PCGF6: variants seen among roughly 807,000 people sequenced by gnomAD.
The protein encoded by PCGF6 is polycomb group ring finger 6.
A neutral mutation model predicts 45.5 loss-of-function variants in PCGF6; 24 were observed. The observed-to-expected ratio is 0.53, with a 90% confidence interval of 0.38 to 0.74. PCGF6 has a LOEUF of 0.74. Among genes scored for constraint, PCGF6 ranks in the 30% least tolerant of loss-of-function variants. PCGF6 has a pLI of 0.00. For missense variants in PCGF6, 356 were observed against 443.2 expected, an observed-to-expected ratio of 0.80 and a Z score of 1.77; for synonymous variants, 152 against 162.1, an observed-to-expected ratio of 0.94 and a Z score of 0.47.
intron 7 of PCGF6, among the ~76,000 whole-genome samples, chr10:103,329,818 G>C (rs931519794): frequency 6.7e-6 from 1 of 148,678 alleles, no homozygotes; most frequent in South Asian, 2.1e-4. Flanking sequence ...TCGCTCTGTC[G>C]CCTGGGCTGC....
intron 7 of PCGF6, among the ~76,000 whole-genome samples, chr10:103,333,052 G>A (rs762370984): frequency 3.4e-4 from 52 of 151,346 alleles, no homozygotes; most frequent in Non-Finnish European, 7.1e-4. Context: ...CCAGACGGCG[G>A]AAGTTGCAGT....
At chr10:103,350,129 G>A (rs2093315785) in intron 1 of PCGF6, among the ~76,000 whole-genome samples, 1 of 151,494 alleles carries the variant, frequency 6.6e-6, no homozygotes, top group Non-Finnish European at 1.5e-5. Flanking sequence ...TTACTGCCTA[G>A]TAAGCAGTAG....
At chr10:103,326,404 AAAC>A in intron 8 of PCGF6, 127 bp downstream of exon 8, 1 of 553,838 alleles carries the variant, frequency 1.8e-6, no homozygotes, top group South Asian at 3.5e-5. Flanking sequence ...AAAAAAAAAA[AAAC>A]AATGTCTACA....
rs186696079 is a variant in PCGF6, at chr10:103,335,488, G to A, written c.783-1536C>T. On this transcript the variant is annotated intron_variant, in intron 6 of 9. Coordinates refer to ENST00000369847, the MANE Select transcript of PCGF6 (RefSeq NM_001011663.2). The stretch of plus-strand genomic sequence containing the variant: ...GCGATTCTCTTTGCCTCAGCCTCCC[G>A]AATAGGTGGGACTACAGGCACCCAC... Among the ~76,000 whole-genome samples the A allele has an allele frequency of 5.5e-3, 828 of 151,738 alleles. 11 individuals are homozygous for A. The highest frequency in any genetic ancestry group is 0.019 in the African/African-American group (798 of 41,386).
At chr10:103,314,325 G>T in intron 8 of PCGF6, 53 bp from the exon 9 acceptor site, 2 of 1,036,708 alleles carry the variant, frequency 1.9e-6, no homozygotes, top group Non-Finnish European at 2.9e-6. Context: ...AATACCATCT[G>T]AAGAAATGAG....
Position 103,339,811 on chromosome 10 carries a change from ACACACACACAC to A in PCGF6, c.782+5202_782+5212del, listed in dbSNP as rs1468209161. Among the ~76,000 whole-genome samples the A allele has an allele frequency of 1.5e-3, 66 of 45,020 alleles. 2 individuals carry two copies. Among genetic ancestry groups the A allele is most frequent in the South Asian group, 3.3e-3 (3 of 908 alleles). 29.5% of individuals were successfully genotyped at this position (45,020 alleles called of 152,430 possible). ...AAATTCTGTCTGTCTCAAAAAAAAA[ACACACACACAC>A]ACACACACACACACACACACACACA... On this transcript the variant is annotated intron_variant, in intron 6 of 9. Transcript: ENST00000369847.
rs770365835 is a variant in PCGF6, at chr10:103,350,953, G to C, written c.114C>G (p.Pro38=). Reference sequence around the variant, plus strand: ...GCGCCGGTCCCTCCTCACCCGCTGCGGGTGCAGGGGTGAGGGCGGGCGGGG... The same window carrying C: ...GCGCCGGTCCCTCCTCACCCGCTGCCGGTGCAGGGGTGAGGGCGGGCGGGG... ...PVSPPALTPA[P]AAGEEGPAPL... Residue 38 remains proline, a synonymous_variant, in exon 1 of 10, where the codon CCC becomes CCG. Transcript: ENST00000369847. The C allele has an allele frequency of 2.0e-6, 3 of 1,467,134 alleles. No individual in the cohort carries two copies. The highest frequency in any genetic ancestry group is 2.7e-6 in the Non-Finnish European group (3 of 1,114,706). 90.9% of individuals were successfully genotyped at this position (1,467,134 alleles called of 1,614,324 possible). A position where few individuals can be genotyped will look rare whatever the true frequency, so the allele number is the denominator to read the frequency against.
At position 103,310,229 on chromosome 10, in the gene PCGF6, G is replaced by A. The variant is rs190076923; in HGVS notation, c.996+3957C>T. On this transcript the variant is annotated intron_variant, in intron 9 of 9. Transcript: ENST00000369847. ...GGCCTCTCAAAGTGCTGGGATTACA[G>A]GCATGAGCCACCACACCTGGCCCAA... Among the ~76,000 whole-genome samples, 648 of 150,912 alleles carry A rather than the reference G, an allele frequency of 4.3e-3. 26 individuals are homozygous for A. The highest frequency in any genetic ancestry group is 0.041 in the Admixed American group (614 of 15,086).
intron 8 of PCGF6, among the ~76,000 whole-genome samples, chr10:103,318,832 C>G (rs1021149001): frequency 2.0e-5 from 3 of 152,158 alleles, no homozygotes; most frequent in Non-Finnish European, 4.4e-5. Context: ...AAACTTTTCA[C>G]ATTAGTGTAG....
intron 7 of PCGF6, among the ~76,000 whole-genome samples, chr10:103,328,309 C>A (rs921774316): frequency 6.6e-6 from 1 of 152,148 alleles, no homozygotes; most frequent in African/African-American, 2.4e-5. Flanking sequence ...CCTATCTGTA[C>A]AGTAGTTTGT....
intron 6 of PCGF6, among the ~76,000 whole-genome samples, chr10:103,344,406 G>C (rs1471754657): frequency 2.0e-5 from 3 of 151,874 alleles, no homozygotes; most frequent in African/African-American, 7.3e-5. Context: ...CGAGTAGCTG[G>C]GATTACAGGC....
At chr10:103,313,546 C>A (rs562638781) in intron 9 of PCGF6, among the ~76,000 whole-genome samples, 1 of 152,104 alleles carries the variant, frequency 6.6e-6, no homozygotes, top group South Asian at 2.1e-4. Context: ...GCCTGGGCAA[C>A]AGATCAAGAC....
chr10:103,350,722 C>G lies in PCGF6; in HGVS notation c.345G>C (p.Ser115=), dbSNP rs1332249093. 7.8e-6 allele frequency: 12 copies of G among 1,536,328 alleles called. No homozygotes were observed. The African/African-American group carries it at 1.5e-4, about 20-fold the overall frequency. ...CTCTAAATACCTCCTCCTCGTCCTC[C>G]GAGTCCTGCCGGCCTCCCTCCAGCC... ...SLRLEGGRQD[S]EDEEERLINL... is the part of the protein sequence containing the mutation. Residue 115 remains serine, a synonymous_variant, in exon 1 of 10, where the codon TCG becomes TCC. Transcript: ENST00000369847.
chr10:103,314,376 T>C (rs1321038356), intron 8 of PCGF6, 104 bp from the exon 9 acceptor site: 1 of 723,412 alleles, frequency 1.4e-6, no homozygotes, highest in Non-Finnish European at 2.3e-6. Flanking sequence ...CTAGATTTTG[T>C]AATTTTATTT....
intron 6 of PCGF6, among the ~76,000 whole-genome samples, chr10:103,337,620 G>A (rs2093262001): frequency 6.6e-6 from 1 of 152,060 alleles, no homozygotes. Flanking sequence ...GAACAAAAAG[G>A]ATAAGAGTCT....
In PCGF6 at chr10:103,314,287, A is replaced by G; in HGVS notation, c.910-15T>C. Reference sequence around the variant, plus strand: ...ATTATATCTACCTATGGACATGAAGAGAGTATTAGATTGATTTCTTGCTTC... The same window carrying G: ...ATTATATCTACCTATGGACATGAAGGGAGTATTAGATTGATTTCTTGCTTC... On this transcript the variant is annotated splice_polypyrimidine_tract_variant and intron_variant, in intron 8 of 9. Transcript: ENST00000369847. 2 of 1,464,944 alleles carry G rather than the reference A, an allele frequency of 1.4e-6. No homozygotes were observed. Among genetic ancestry groups the G allele is most frequent in the South Asian group, 2.4e-5 (2 of 84,112 alleles). The allele number at this position is 1,464,944 out of a possible 1,614,324, so 90.7% of individuals were successfully genotyped here.
chr10:103,305,712 T>G (rs1236047044), intron 9 of PCGF6, among the ~76,000 whole-genome samples: 2 of 152,144 alleles, frequency 1.3e-5, no homozygotes, highest in Non-Finnish European at 2.9e-5. Flanking sequence ...CACTTACTCA[T>G]TTAATGAAAG....
chr10:103,346,245 A>T (rs538402963), intron 5 of PCGF6, among the ~76,000 whole-genome samples: 3 of 151,214 alleles, frequency 2.0e-5, no homozygotes, highest in Admixed American at 2.0e-4. Flanking sequence ...TAATCCTAGC[A>T]CTTTGGGAGG....
rs2093192286 is a variant in PCGF6 at position 103,320,309 on chromosome 10, T to C, written c.910-6037A>G. Among the ~76,000 whole-genome samples the C allele has an allele frequency of 2.0e-5, 3 of 152,184 alleles. No individual in the cohort carries two copies. The South Asian group carries it at 6.2e-4, about 31-fold the overall frequency. ...ACCACTAAATCAACCACAGTAACCCTGAGACACTGGAGTCTCTATGAGAAA... is the reference window on the plus strand; with the variant it reads ...ACCACTAAATCAACCACAGTAACCCCGAGACACTGGAGTCTCTATGAGAAA... On this transcript the variant is annotated intron_variant, in intron 8 of 9. Transcript: ENST00000369847.
Sources: gnomAD v4.1 joint callset for allele counts (sites outside exome capture counted in the v4.1 genomes callset) on GRCh38, gnomAD v4.1.1 for gene constraint, MANE v1.5 for transcripts, NCBI Gene and HGNC (gene_info 2026-07-23, HGNC 2026-07-21) for gene names.